The following MICAL3 variants were observed in gnomAD, a reference collection of about 807,000 sequenced individuals.
The protein encoded by MICAL3 is microtubule associated monooxygenase, calponin and LIM domain containing 3, also known as [F-actin]-monooxygenase MICAL3.
A neutral mutation model predicts 207.4 loss-of-function variants in MICAL3; 62 were observed. The ratio of observed to expected loss-of-function variants is 0.30; its 90% confidence interval spans 0.24 to 0.37. The LOEUF is 0.37. Among genes scored for constraint, MICAL3 ranks in the 10% least tolerant of loss-of-function variants. MICAL3 has a pLI of 1.00. For missense variants in MICAL3, 2,368 were observed against 2,635.6 expected (o/e 0.90, Z 2.22); for synonymous variants, 1,077 against 1,069.3 (o/e 1.01, Z -0.14).
At chr22:17,892,346 C>A (rs1050917089) in intron 11 of MICAL3, among the ~76,000 whole-genome samples, 1 of 152,182 alleles carries the variant, frequency 6.6e-6, no homozygotes, top group Non-Finnish European at 1.5e-5. Flanking sequence ...TATTATTAAT[C>A]ACATCAGAAG....
chr22:17,877,288 TG>T (rs1928763042), intron 16 of MICAL3, among the ~76,000 whole-genome samples: 1 of 54,218 alleles, frequency 1.8e-5, no homozygotes, highest in East Asian at 4.9e-4. Context: ...AGGGAGGTTA[TG>T]GAGGTTAGGG....
intron 1 of MICAL3, among the ~76,000 whole-genome samples, chr22:17,923,018 T>A (rs577578133): frequency 6.6e-6 from 1 of 152,104 alleles, no homozygotes; most frequent in South Asian, 2.1e-4. Context: ...GCCAAACCTC[T>A]CCCTCTGCTG....
At chr22:17,826,038 C>A (rs1415011764) in intron 22 of MICAL3, among the ~76,000 whole-genome samples, 35 of 152,314 alleles carry the variant, frequency 2.3e-4, no homozygotes, top group Admixed American at 2.2e-3. Context: ...CTCCCATAAA[C>A]CCCCTGGTTT....
chr22:17,819,931 A>C (rs1921366816), intron 25 of MICAL3, among the ~76,000 whole-genome samples: 1 of 127,636 alleles, frequency 7.8e-6, no homozygotes, highest in African/African-American at 3.2e-5. Flanking sequence ...TGACAGTGAG[A>C]GACTCCATCT....
intron 1 of MICAL3, among the ~76,000 whole-genome samples, chr22:18,015,395 T>A (rs1034073921): frequency 6.6e-6 from 1 of 151,780 alleles, no homozygotes; most frequent in Non-Finnish European, 1.5e-5. Context: ...GCAAGAGAAT[T>A]TTACAAATTT....
At chr22:17,809,607 G>A (rs1042821658) in intron 28 of MICAL3, among the ~76,000 whole-genome samples, 2 of 152,212 alleles carry the variant, frequency 1.3e-5, no homozygotes, top group African/African-American at 2.4e-5. Flanking sequence ...GTCCAGCCTG[G>A]CCACGGAGTG....
rs574604475 is a variant in MICAL3, at chr22:17,854,341, C to A, written c.2605+10558G>T. Reference sequence around the variant, plus strand: ...AGCCCAAAACGTCCACAGTGCTGGGCTGGAGAAGCCCTGGCTTAGAAGTTA... The same window carrying A: ...AGCCCAAAACGTCCACAGTGCTGGGATGGAGAAGCCCTGGCTTAGAAGTTA... On this transcript the variant is annotated intron_variant, in intron 19 of 31. Transcript: ENST00000441493. Among the ~76,000 whole-genome samples the A allele has an allele frequency of 2.0e-5, 3 of 152,282 alleles. No homozygotes were observed. In the South Asian group the frequency reaches 6.2e-4, roughly 32 times the overall value.
At chr22:17,821,700 G>C (rs997250732) in intron 24 of MICAL3, among the ~76,000 whole-genome samples, 191 bp from the exon 25 acceptor site, 16 of 152,294 alleles carry the variant, frequency 1.1e-4, no homozygotes, top group African/African-American at 3.6e-4. Context: ...GGGGCTGCCC[G>C]GCACTCTCTG....
In MICAL3 at chr22:17,847,778, C is replaced by T. The variant is rs111685491; in HGVS notation, c.2606-5761G>A. On this transcript the variant is annotated intron_variant, in intron 19 of 31. Coordinates refer to ENST00000441493, the MANE Select transcript of MICAL3 (RefSeq NM_015241.3). ...TTTACCAGGCGGTACTGGGTATTTTCGCTGTGACTCTGAAGAAAGATCAAC... is the reference window on the plus strand; with the variant it reads ...TTTACCAGGCGGTACTGGGTATTTTTGCTGTGACTCTGAAGAAAGATCAAC... Among the ~76,000 whole-genome samples the T allele has an allele frequency of 5.9e-5, 9 of 152,322 alleles. No homozygotes were observed. The East Asian group carries it at 1.2e-3, about 20-fold the overall frequency.
chr22:17,908,763 C>T, intron 1 of MICAL3, among the ~76,000 whole-genome samples: 1 of 152,134 alleles, frequency 6.6e-6, no homozygotes, highest in South Asian at 2.1e-4. Flanking sequence ...AAAGATGTAC[C>T]CTTGGGGTTG....
intron 16 of MICAL3, among the ~76,000 whole-genome samples, chr22:17,883,428 A>T (rs1253800548): frequency 6.6e-6 from 1 of 152,104 alleles, no homozygotes; most frequent in Non-Finnish European, 1.5e-5. Flanking sequence ...CTAACAATAA[A>T]CTCACTTTAC....
chr22:17,898,323 G>C (rs1931029670), intron 7 of MICAL3, among the ~76,000 whole-genome samples: 1 of 152,224 alleles, frequency 6.6e-6, no homozygotes, highest in Non-Finnish European at 1.5e-5. Flanking sequence ...ATTTTAGAAA[G>C]CATCTAACCA....
At chr22:17,886,553 C>T (rs1929886806) in intron 15 of MICAL3, among the ~76,000 whole-genome samples, 1 of 152,064 alleles carries the variant, frequency 6.6e-6, no homozygotes, top group African/African-American at 2.4e-5. Context: ...GCCTATAATC[C>T]CAGCACTTTG....
At chr22:17,959,379 A>G (rs1333871236) in intron 1 of MICAL3, among the ~76,000 whole-genome samples, 2 of 150,356 alleles carry the variant, frequency 1.3e-5, no homozygotes, top group Non-Finnish European at 2.9e-5. Flanking sequence ...CAGTGGCGCA[A>G]TCTTGGTTCA....
At chr22:18,010,484 G>A (rs569168629) in intron 1 of MICAL3, among the ~76,000 whole-genome samples, 1 of 152,294 alleles carries the variant, frequency 6.6e-6, no homozygotes, top group East Asian at 1.9e-4. Flanking sequence ...TTGTCAGGTG[G>A]AAAGTGCTGT....
Position 17,790,277 on chromosome 22 carries a change from T to C in MICAL3, c.*455A>G, listed in dbSNP as rs2061813583. On this transcript the variant is annotated 3_prime_UTR_variant, in exon 32 of 32. Transcript: ENST00000441493. ...TGGGTCTCGATCGCACCCTGACCCC[T>C]GACCCTGCTTTCGTGGGGTATTGTT... The C allele has an allele frequency of 6.2e-6, 1 of 160,378 alleles. No homozygotes were observed. Among genetic ancestry groups the C allele is most frequent in the South Asian group, 1.9e-4 (1 of 5,368 alleles). The allele number at this position is 160,378 out of a possible 1,614,324, so 9.9% of individuals were successfully genotyped here. A position where few individuals can be genotyped will look rare whatever the true frequency, so the allele number is the denominator to read the frequency against.
chr22:17,950,106 G>A (rs1934259517), intron 1 of MICAL3, among the ~76,000 whole-genome samples: 1 of 151,978 alleles, frequency 6.6e-6, no homozygotes. Context: ...CAGAAGGAGG[G>A]AAAAACTCAG....
rs767536366 is a variant in MICAL3 at position 17,886,274 on chromosome 22, C to T, written c.2068-223G>A. 3.3e-5 allele frequency among the ~76,000 whole-genome samples: 5 copies of T among 152,198 alleles called. No individual in the cohort carries two copies. The East Asian group carries it at 9.6e-4, about 29-fold the overall frequency. On this transcript the variant is annotated intron_variant, in intron 15 of 31. Transcript: ENST00000441493. ...CCACATTCCAGGAAGCCACTGCCCT[C>T]GAACACATGTATGAACCAAAGAGAC...
At chr22:17,878,757 G>A (rs1412427089) in intron 16 of MICAL3, among the ~76,000 whole-genome samples, 1 of 152,060 alleles carries the variant, frequency 6.6e-6, no homozygotes, top group East Asian at 1.9e-4. Context: ...TTGTACGATG[G>A]CCAGCTGCAA....
Sources: gnomAD v4.1 joint callset for allele counts (sites outside exome capture counted in the v4.1 genomes callset) on GRCh38, gnomAD v4.1.1 for gene constraint, MANE v1.5 for transcripts, NCBI Gene and HGNC (gene_info 2026-07-23, HGNC 2026-07-21) for gene names.